Variants in KCNJ6 observed in about 807,000 individuals in gnomAD.
The protein encoded by KCNJ6 is G protein-activated inward rectifier potassium channel 2.
A neutral mutation model predicts 34.2 loss-of-function variants in KCNJ6; 9 were observed. The ratio of observed to expected loss-of-function variants is 0.26; its 90% CI spans 0.16 to 0.46. KCNJ6 has a LOEUF of 0.46. KCNJ6 is among the 20% of genes least tolerant of loss of function. KCNJ6 has a pLI of 1.00. For synonymous variants in KCNJ6, 196 were observed against 207.1 expected (o/e 0.95, Z 0.46); for missense variants, 236 against 531.3 (o/e 0.44, Z 5.46).
At chr21:37,737,167 G>A (rs182739203) in intron 2 of KCNJ6, among the ~76,000 whole-genome samples, 66 of 152,276 alleles carry the variant, frequency 4.3e-4, no homozygotes, top group Non-Finnish European at 6.9e-4. Context: ...ATCAGTGCCC[G>A]ATGGCAAGAG....
intron 2 of KCNJ6, among the ~76,000 whole-genome samples, chr21:37,738,280 G>C (rs927114353): frequency 3.9e-5 from 6 of 152,114 alleles, no homozygotes; most frequent in African/African-American, 1.2e-4. Flanking sequence ...AATGCTGTTT[G>C]GGTTTCATGC....
At chr21:37,704,159 A>G (rs1456524653) in intron 3 of KCNJ6, among the ~76,000 whole-genome samples, 4 of 152,194 alleles carry the variant, frequency 2.6e-5, no homozygotes, top group Non-Finnish European at 4.4e-5. Flanking sequence ...ACAAAAAGAA[A>G]TTCTGCTGGA....
intron 2 of KCNJ6, among the ~76,000 whole-genome samples, chr21:37,741,664 C>T (rs1422105728): frequency 6.6e-6 from 1 of 152,204 alleles, no homozygotes; most frequent in African/African-American, 2.4e-5. Flanking sequence ...TTCTTTTCTG[C>T]AAGGCCCCAG....
intron 3 of KCNJ6, among the ~76,000 whole-genome samples, chr21:37,708,699 G>C (rs2054734248): frequency 6.6e-6 from 1 of 152,196 alleles, no homozygotes; most frequent in South Asian, 2.1e-4. Flanking sequence ...CCCAGGCTGG[G>C]TGGTTGGGGT....
intron 1 of KCNJ6, among the ~76,000 whole-genome samples, chr21:37,867,459 T>A (rs1294886864): frequency 6.6e-6 from 1 of 152,200 alleles, no homozygotes; most frequent in Non-Finnish European, 1.5e-5. Context: ...AAAATACAGA[T>A]CCTTTATCTT....
intron 2 of KCNJ6, among the ~76,000 whole-genome samples, chr21:37,747,759 G>T (rs988161191): frequency 1.8e-4 from 28 of 152,186 alleles, no homozygotes; most frequent in African/African-American, 3.6e-4. Context: ...GGAAAGGCAA[G>T]GAAACAGATT....
intron 1 of KCNJ6, among the ~76,000 whole-genome samples, chr21:37,855,268 T>C (rs920197328): frequency 6.6e-6 from 1 of 152,306 alleles, no homozygotes; most frequent in East Asian, 1.9e-4. Flanking sequence ...AATGCTGCAG[T>C]GAGGTTGCAG....
At chr21:37,672,676 G>A (rs543681709) in intron 3 of KCNJ6, among the ~76,000 whole-genome samples, 47 of 152,236 alleles carry the variant, frequency 3.1e-4, no homozygotes, top group African/African-American at 1.0e-3. Flanking sequence ...TAATCAAAAA[G>A]GAAATAAAGA....
intron 2 of KCNJ6, among the ~76,000 whole-genome samples, chr21:37,816,365 C>G (rs2055347015): frequency 6.6e-6 from 1 of 152,200 alleles, no homozygotes; most frequent in African/African-American, 2.4e-5. Context: ...CTTCTATGCT[C>G]TAGATATTGC....
chr21:37,902,115 G>A (rs2055819723), intron 1 of KCNJ6, among the ~76,000 whole-genome samples: 1 of 152,216 alleles, frequency 6.6e-6, no homozygotes, highest in African/African-American at 2.4e-5. Context: ...ATGCCCAAGG[G>A]CATGAGGACT....
intron 2 of KCNJ6, chr21:37,719,663 C>T (rs1399531289): frequency 1.3e-5 from 2 of 152,180 alleles, no homozygotes; most frequent in Admixed American, 1.3e-4. Context: ...CAGTTTTTCT[C>T]CTCCTCTCTT....
In KCNJ6 at chr21:37,612,521, GA is replaced by G. The variant is rs2054246157; in HGVS notation, c.*12637del. On this transcript the variant is annotated 3_prime_UTR_variant, in exon 4 of 4. Coordinates refer to ENST00000609713, the MANE Select transcript of KCNJ6 (RefSeq NM_002240.5). ...TGAGTCTGCAGTTTATATGGAGAAA[GA>G]AAGCTACAGTACTCAAGACGATGTG... is the stretch of plus-strand genomic sequence containing the variant. 6.6e-6 allele frequency: 1 copy of G among 152,124 alleles called. No individual in the cohort carries two copies. Among genetic ancestry groups the G allele is most frequent in the African/African-American group, 2.4e-5 (1 of 41,426 alleles). 9.4% of individuals were successfully genotyped at this position (152,124 alleles called of 1,614,324 possible). A position where few individuals can be genotyped will look rare whatever the true frequency, so the allele number is the denominator to read the frequency against.
At chr21:37,836,031 C>T (rs2055450089) in intron 2 of KCNJ6, among the ~76,000 whole-genome samples, 1 of 152,036 alleles carries the variant, frequency 6.6e-6, no homozygotes, top group South Asian at 2.1e-4. Context: ...ATAACTTAAA[C>T]AAAATTTACA....
chr21:37,798,058 T>C (rs1225782843), intron 2 of KCNJ6, among the ~76,000 whole-genome samples: 1 of 152,248 alleles, frequency 6.6e-6, no homozygotes, highest in African/African-American at 2.4e-5. Flanking sequence ...CACTCCTCTA[T>C]ACTGAGCATT....
intron 2 of KCNJ6, among the ~76,000 whole-genome samples, chr21:37,739,027 G>A (rs1330531858): frequency 6.6e-6 from 1 of 152,196 alleles, no homozygotes; most frequent in African/African-American, 2.4e-5. Context: ...GCAGACCTGT[G>A]CTGGCCAATA....
chr21:37,913,126 T>C (rs577231718), intron 1 of KCNJ6, among the ~76,000 whole-genome samples: 7 of 152,338 alleles, frequency 4.6e-5, no homozygotes, highest in African/African-American at 1.7e-4. Context: ...TTCCTCTTCA[T>C]ATCAGTGACA....
At chr21:37,650,617 C>T (rs1219966562) in intron 3 of KCNJ6, among the ~76,000 whole-genome samples, 1 of 152,186 alleles carries the variant, frequency 6.6e-6, no homozygotes, top group Non-Finnish European at 1.5e-5. Flanking sequence ...AGCATCTCAG[C>T]CAGCTTTCCT....
intron 2 of KCNJ6, among the ~76,000 whole-genome samples, chr21:37,798,555 A>T (rs2055254377): frequency 6.6e-6 from 1 of 152,256 alleles, no homozygotes; most frequent in Non-Finnish European, 1.5e-5. Context: ...GATAAACAAA[A>T]TGTGGTCTGT....
intron 2 of KCNJ6, among the ~76,000 whole-genome samples, chr21:37,815,509 T>C (rs2055342550): frequency 6.6e-6 from 1 of 152,218 alleles, no homozygotes; most frequent in Non-Finnish European, 1.5e-5. Context: ...CACCAGACTT[T>C]GTCAGTGTCA....
Sources: allele counts gnomAD v4.1 joint callset (sites outside exome capture counted in the v4.1 genomes callset), GRCh38; gene constraint gnomAD v4.1.1; transcripts MANE v1.5; gene names NCBI Gene and HGNC (gene_info 2026-07-23, HGNC 2026-07-21).